Variants in ULK4 observed in about 807,000 individuals in gnomAD.
ULK4 encodes the protein unc-51 like kinase 4.
Under a neutral mutation model 160.6 loss-of-function variants are expected in ULK4, and 133 were observed. The observed-to-expected ratio is 0.83, with a 90% confidence interval of 0.72 to 0.96. The LOEUF is 0.96. ULK4 is among the 40% of genes least tolerant of loss of function. The pLI, the probability that ULK4 is intolerant of heterozygous loss-of-function variation, is 0.00. For missense variants in ULK4, 1,580 were observed against 1,499.5 expected (o/e 1.05, Z -0.89); for synonymous variants, 534 against 539.8 (o/e 0.99, Z 0.15).
At chr3:41,791,216 G>A (rs140283206) in intron 20 of ULK4, among the ~76,000 whole-genome samples, 313 of 152,198 alleles carry the variant, frequency 2.1e-3, no homozygotes, top group African/African-American at 7.1e-3. Flanking sequence ...GGATGGTCTC[G>A]ATCTCCTGAC....
intron 1 of ULK4, among the ~76,000 whole-genome samples, chr3:41,958,158 C>T (rs1280847864): frequency 6.6e-6 from 1 of 151,954 alleles, no homozygotes; most frequent in Non-Finnish European, 1.5e-5. Context: ...TATTTGTACC[C>T]CACATATTCA....
chr3:41,881,315 A>G (rs1260473246), intron 17 of ULK4, among the ~76,000 whole-genome samples: 18 of 151,090 alleles, frequency 1.2e-4, no homozygotes, highest in Admixed American at 9.9e-4. Context: ...AAAAAACAGG[A>G]AAAAGATGAA....
intron 27 of ULK4, among the ~76,000 whole-genome samples, chr3:41,691,597 AAT>A (rs1293608313): frequency 6.6e-6 from 1 of 151,896 alleles, no homozygotes; most frequent in African/African-American, 2.4e-5. Flanking sequence ...CTCTCTTCCA[AAT>A]ATCCATTTTA....
At chr3:41,856,369 A>C (rs1012134630) in intron 17 of ULK4, among the ~76,000 whole-genome samples, 1 of 151,466 alleles carries the variant, frequency 6.6e-6, no homozygotes, top group Admixed American at 6.6e-5. Context: ...AGCAAGAAAT[A>C]ATCAAACACT....
At chr3:41,350,153 AAAGTGT>A (rs1487817060) in intron 35 of ULK4, among the ~76,000 whole-genome samples, 2 of 152,220 alleles carry the variant, frequency 1.3e-5, no homozygotes, top group African/African-American at 4.8e-5. Flanking sequence ...GAAGATACTA[AAAGTGT>A]AAGTTGAAAA....
rs530558826 is a variant in ULK4, at chr3:41,378,353, A to G, written c.3678+19726T>C. 2.0e-5 allele frequency among the ~76,000 whole-genome samples: 3 copies of G among 152,048 alleles called. No homozygotes were observed. The East Asian group carries it at 5.8e-4, about 30-fold the overall frequency. ...ACTAACCTGCACAATGTGCACATGTACCCTAAAACTTAAAGTATAATAATA... is the reference window on the plus strand; with the variant it reads ...ACTAACCTGCACAATGTGCACATGTGCCCTAAAACTTAAAGTATAATAATA... On this transcript the variant is annotated intron_variant, in intron 35 of 36. Coordinates refer to ENST00000301831, the MANE Select transcript of ULK4 (RefSeq NM_017886.4).
At chr3:41,642,827 T>A (rs1318504238) in intron 30 of ULK4, among the ~76,000 whole-genome samples, 6 of 152,236 alleles carry the variant, frequency 3.9e-5, no homozygotes, top group African/African-American at 9.6e-5. Context: ...GTGTTCCTAT[T>A]TCTCCACCTC....
At chr3:41,676,115 T>C (rs1451545740) in intron 29 of ULK4, among the ~76,000 whole-genome samples, 4 of 152,188 alleles carry the variant, frequency 2.6e-5, no homozygotes, top group Non-Finnish European at 4.4e-5. Context: ...TTCTGACCTA[T>C]GGAGCTGTGA....
At chr3:41,395,833 T>A (rs1054980151) in intron 35 of ULK4, among the ~76,000 whole-genome samples, 1 of 152,168 alleles carries the variant, frequency 6.6e-6, no homozygotes, top group Non-Finnish European at 1.5e-5. Flanking sequence ...AGCACCAGCA[T>A]CAACTTCTGT....
At chr3:41,640,493 T>C (rs1475055483) in intron 30 of ULK4, among the ~76,000 whole-genome samples, 2 of 152,182 alleles carry the variant, frequency 1.3e-5, no homozygotes, top group East Asian at 1.9e-4. Flanking sequence ...CCAGGAAGCC[T>C]AAGGCTCTTC....
At chr3:41,935,209 A>ATTTATTTTTTT (rs1559660879) in intron 4 of ULK4, among the ~76,000 whole-genome samples, 7 of 135,578 alleles carry the variant, frequency 5.2e-5, no homozygotes, top group Non-Finnish European at 7.5e-5. Context: ...TTATTTATTT[A>ATTTATTTTTTT]TTTTTTTTTT....
chr3:41,787,911 G>A (rs1395290607), intron 21 of ULK4, among the ~76,000 whole-genome samples: 1 of 152,030 alleles, frequency 6.6e-6, no homozygotes, highest in Admixed American at 6.5e-5. Flanking sequence ...TACTATATTT[G>A]AAACTTAATC....
chr3:41,630,166 C>A (rs1324884597), intron 30 of ULK4, among the ~76,000 whole-genome samples: 1 of 152,186 alleles, frequency 6.6e-6, no homozygotes, highest in Non-Finnish European at 1.5e-5. Context: ...TTTATTACTC[C>A]AATGTCCTAC....
At position 41,954,609 on chromosome 3, in the gene ULK4, TAC is replaced by T; in HGVS notation, c.138+11_138+12del. ...CTCTCTTTCCCCATGCCAATGGAAA[TAC>T]ACTGACTTACCCAGTTGGTTATTTC... On this transcript the variant is annotated intron_variant, in intron 2 of 36. Coordinates refer to ENST00000301831, the MANE Select transcript of ULK4 (RefSeq NM_017886.4). 6.2e-7 allele frequency: 1 copy of T among 1,608,618 alleles called. No individual in the cohort carries two copies. Among genetic ancestry groups the T allele is most frequent in the Non-Finnish European group, 8.5e-7 (1 of 1,177,804 alleles).
chr3:41,904,608 G>T (rs1698488563), intron 12 of ULK4, among the ~76,000 whole-genome samples: 1 of 151,910 alleles, frequency 6.6e-6, no homozygotes, highest in South Asian at 2.1e-4. Context: ...AATTTACATT[G>T]ATTTTCTATT....
At chr3:41,581,837 A>G (rs536870228) in intron 31 of ULK4, among the ~76,000 whole-genome samples, 1 of 152,358 alleles carries the variant, frequency 6.6e-6, no homozygotes, top group Non-Finnish European at 1.5e-5. Flanking sequence ...CTGGGCCAGA[A>G]GAACCAGCAG....
chr3:41,474,509 T>A (rs961109366), intron 32 of ULK4, among the ~76,000 whole-genome samples: 3 of 151,970 alleles, frequency 2.0e-5, no homozygotes, highest in Admixed American at 2.0e-4. Flanking sequence ...AACAGACAGA[T>A]ACATCCAAAT....
chr3:41,714,984 G>T (rs1028290798), intron 25 of ULK4, among the ~76,000 whole-genome samples: 1 of 151,962 alleles, frequency 6.6e-6, no homozygotes, highest in Non-Finnish European at 1.5e-5. Context: ...CAAAATCTAT[G>T]AAAGTGTTTC....
At chr3:41,629,063 A>C (rs2033645220) in intron 30 of ULK4, among the ~76,000 whole-genome samples, 1 of 152,188 alleles carries the variant, frequency 6.6e-6, no homozygotes, top group South Asian at 2.1e-4. Context: ...GTTTTATAAA[A>C]ATATTCTAGT....
Sources: allele counts gnomAD v4.1 joint callset (sites outside exome capture counted in the v4.1 genomes callset), GRCh38; gene constraint gnomAD v4.1.1; transcripts MANE v1.5; gene names NCBI Gene and HGNC (gene_info 2026-07-23, HGNC 2026-07-21).